The following DSCAM variants were observed in gnomAD, a reference collection of about 807,000 sequenced individuals.
The protein encoded by DSCAM is DS cell adhesion molecule.
A neutral mutation model predicts 217.7 loss-of-function variants in DSCAM; 47 were observed. The observed-to-expected ratio is 0.22, with a 90% confidence interval of 0.17 to 0.28. The LOEUF (loss-of-function observed/expected upper bound fraction) is 0.28, where lower values mean the gene tolerates loss of function less well. Ranked by LOEUF, DSCAM falls within the 10% of genes least tolerant of loss-of-function variation. The pLI is 1.00. For synonymous variants in DSCAM, 1,056 were observed against 1,015.3 expected (o/e 1.04, Z -0.76); for missense variants, 2,080 against 2,618.3 (o/e 0.79, Z 4.49).
chr21:40,206,050 A>G (rs1300229820), intron 11 of DSCAM, among the ~76,000 whole-genome samples: 1 of 152,186 alleles, frequency 6.6e-6, no homozygotes, highest in African/African-American at 2.4e-5. Context: ...GGGATGCCCA[A>G]AGCAGAGGGA....
chr21:40,531,141 G>A lies in DSCAM; in HGVS notation c.508+161669C>T, dbSNP rs74597753. 3.8e-3 allele frequency among the ~76,000 whole-genome samples: 576 copies of A among 152,232 alleles called. 2 individuals are homozygous for A. Among genetic ancestry groups the A allele is most frequent in the African/African-American group, 0.013 (542 of 41,528 alleles). ...GCTACAATCTCCTTCTTGGCGTCTC[G>A]TCAACACCAGCAGAGCCAAAACCAC... On this transcript the variant is annotated intron_variant, in intron 3 of 32. Transcript: ENST00000400454.
At chr21:40,408,309 C>T (rs905429871) in intron 3 of DSCAM, among the ~76,000 whole-genome samples, 2 of 151,832 alleles carry the variant, frequency 1.3e-5, no homozygotes, top group East Asian at 1.9e-4. Context: ...GGGGACAGGA[C>T]ACTGAAAAGC....
At chr21:40,577,397 C>T (rs1022544087) in intron 3 of DSCAM, among the ~76,000 whole-genome samples, 5 of 151,394 alleles carry the variant, frequency 3.3e-5, no homozygotes, top group East Asian at 2.0e-4. Flanking sequence ...GTAGTCGATC[C>T]GCTCTCCTCC....
intron 3 of DSCAM, among the ~76,000 whole-genome samples, chr21:40,519,569 T>A (rs1450685644): frequency 6.6e-6 from 1 of 152,158 alleles, no homozygotes; most frequent in Non-Finnish European, 1.5e-5. Context: ...AGATACTGGA[T>A]GTGCTGGTGC....
intron 1 of DSCAM, among the ~76,000 whole-genome samples, chr21:40,756,183 G>A (rs1403112627): frequency 6.6e-6 from 1 of 152,144 alleles, no homozygotes. Flanking sequence ...GAGTTCTTGT[G>A]AGATCTGGTT....
At chr21:40,521,176 G>T (rs147281024) in intron 3 of DSCAM, among the ~76,000 whole-genome samples, 124 of 152,260 alleles carry the variant, frequency 8.1e-4, no homozygotes, top group Admixed American at 1.6e-3. Context: ...ACAACTGGGA[G>T]TGAGAGGGTG....
intron 8 of DSCAM, among the ~76,000 whole-genome samples, chr21:40,324,103 C>CAAAAAAAAAAAAAAAAAAA (rs71330393): frequency 6.8e-4 from 19 of 27,948 alleles, no homozygotes; most frequent in East Asian, 1.2e-3. Context: ...AACTCTGTCT[C>CAAAAAAAAAAAAAAAAAAA]AAAAAAAAAA....
intron 1 of DSCAM, among the ~76,000 whole-genome samples, chr21:40,825,266 TTTCCTTCCTTCCTTCCTTCC>T (rs142604153): frequency 1.9e-4 from 27 of 140,062 alleles, no homozygotes; most frequent in African/African-American, 4.6e-4. Flanking sequence ...ATTTTCTTTC[TTTCCTTCCTTCCTTCCTTCC>T]TTCCTTCCTT....
intron 3 of DSCAM, among the ~76,000 whole-genome samples, chr21:40,662,704 C>G (rs1230654549): frequency 2.6e-5 from 4 of 152,124 alleles, no homozygotes; most frequent in Admixed American, 2.0e-4. Flanking sequence ...CCTCAGAGAG[C>G]CACAAGACCA....
intron 3 of DSCAM, among the ~76,000 whole-genome samples, chr21:40,503,257 T>C (rs1212512927): frequency 2.0e-5 from 3 of 152,238 alleles, no homozygotes; most frequent in East Asian, 3.8e-4. Flanking sequence ...GAGGCTCCCA[T>C]GCTTCAAGTC....
intron 3 of DSCAM, among the ~76,000 whole-genome samples, chr21:40,544,426 T>A (rs1447418336): frequency 6.6e-6 from 1 of 152,146 alleles, no homozygotes; most frequent in African/African-American, 2.4e-5. Context: ...GACCTTCAGA[T>A]GAAATCATCC....
intron 21 of DSCAM, among the ~76,000 whole-genome samples, chr21:40,089,891 A>T (rs1236907152): frequency 6.6e-6 from 1 of 152,144 alleles, no homozygotes; most frequent in African/African-American, 2.4e-5. Flanking sequence ...AATCCACGCA[A>T]TAGAGCATTT....
rs2073898422 is a variant in DSCAM at position 40,292,033 on chromosome 21, T to C, written c.2182+4022A>G. Among the ~76,000 whole-genome samples the C allele has an allele frequency of 2.6e-5, 4 of 151,292 alleles. No homozygotes were observed. In the South Asian group the frequency reaches 8.4e-4, roughly 32 times the overall value. On this transcript the variant is annotated intron_variant, in intron 10 of 32. Coordinates refer to ENST00000400454, the MANE Select transcript of DSCAM (RefSeq NM_001389.5). ...AGCTGTGGACTTCTGGGAGTACAGG[T>C]GAGACCCACCTCAGAATGAAGCCCT...
At chr21:40,401,617 C>T (rs911541844) in intron 3 of DSCAM, among the ~76,000 whole-genome samples, 3 of 152,160 alleles carry the variant, frequency 2.0e-5, no homozygotes, top group Non-Finnish European at 2.9e-5. Flanking sequence ...GACCATCAAG[C>T]GTGCAGGGAC....
chr21:40,525,732 G>C (rs1271455486), intron 3 of DSCAM, among the ~76,000 whole-genome samples: 1 of 152,164 alleles, frequency 6.6e-6, no homozygotes, highest in African/African-American at 2.4e-5. Flanking sequence ...TTTAAAATTA[G>C]ACAGACTCAG....
At chr21:40,809,234 C>T (rs2091815695) in intron 1 of DSCAM, among the ~76,000 whole-genome samples, 1 of 152,130 alleles carries the variant, frequency 6.6e-6, no homozygotes, top group Non-Finnish European at 1.5e-5. Context: ...TGTCCCAGGA[C>T]AGACTGGTAG....
At chr21:40,568,152 C>T (rs932551180) in intron 3 of DSCAM, among the ~76,000 whole-genome samples, 1 of 152,264 alleles carries the variant, frequency 6.6e-6, no homozygotes, top group Admixed American at 6.5e-5. Flanking sequence ...GTGTACCACC[C>T]CCTTCTTCCT....
chr21:40,288,553 G>A (rs146808517), intron 10 of DSCAM, among the ~76,000 whole-genome samples: 12 of 152,300 alleles, frequency 7.9e-5, no homozygotes, highest in East Asian at 3.9e-4. Flanking sequence ...CTTCTAATAC[G>A]TATGGTGCTG....
chr21:40,403,612 T>C (rs1434944844), intron 3 of DSCAM, among the ~76,000 whole-genome samples: 1 of 147,346 alleles, frequency 6.8e-6, no homozygotes, highest in African/African-American at 2.5e-5. Flanking sequence ...TACATACATG[T>C]ATGCAAGCAT....
Sources: gnomAD v4.1 joint callset for allele counts (sites outside exome capture counted in the v4.1 genomes callset) on GRCh38, gnomAD v4.1.1 for gene constraint, MANE v1.5 for transcripts, NCBI Gene and HGNC (gene_info 2026-07-23, HGNC 2026-07-21) for gene names.